CFAP77: variants seen among roughly 807,000 people sequenced by gnomAD.
CFAP77 encodes cilia and flagella associated protein 77.
CFAP77 carries 25 observed loss-of-function variants against 31.1 expected under a neutral mutation model. The observed-to-expected ratio is 0.80, with a 90% CI of 0.59 to 1.12. The LOEUF (loss-of-function observed/expected upper bound fraction) is 1.12. CFAP77 is among the 50% of genes most tolerant of loss of function. The pLI is 0.00. For missense variants in CFAP77, 377 were observed against 397.3 expected (o/e 0.95, Z 0.44); for synonymous variants, 151 against 159.9 (o/e 0.94, Z 0.42).
At chr9:132,471,067 C>T (rs1342563656) in intron 1 of CFAP77, among the ~76,000 whole-genome samples, 1 of 152,058 alleles carries the variant, frequency 6.6e-6, no homozygotes, top group African/African-American at 2.4e-5. Context: ...CTTGTGTGGG[C>T]CCCTATAAGG....
chr9:132,468,858 G>T (rs926956968), intron 1 of CFAP77, among the ~76,000 whole-genome samples: 3 of 151,936 alleles, frequency 2.0e-5, no homozygotes, highest in Non-Finnish European at 4.4e-5. Flanking sequence ...CTCAGCCTAT[G>T]TATACAAACC....
intron 3 of CFAP77, among the ~76,000 whole-genome samples, chr9:132,515,114 C>A (rs928568688): frequency 6.6e-6 from 1 of 152,160 alleles, no homozygotes; most frequent in Admixed American, 6.5e-5. Context: ...GGGGGAGGCA[C>A]CCTTGTTAAA....
intron 3 of CFAP77, among the ~76,000 whole-genome samples, chr9:132,521,691 C>G (rs1852266388): frequency 6.6e-6 from 1 of 151,108 alleles, no homozygotes; most frequent in Non-Finnish European, 1.5e-5. Flanking sequence ...GCTGGAGACC[C>G]TCGAGAATCA....
chr9:132,524,062 C>T (rs1852315122), intron 3 of CFAP77, among the ~76,000 whole-genome samples: 3 of 151,972 alleles, frequency 2.0e-5, no homozygotes, highest in South Asian at 2.1e-4. Flanking sequence ...GTCTTGAACT[C>T]CTGAGCTCAA....
In CFAP77 at chr9:132,508,273, G is replaced by A. The variant is rs546492961; in HGVS notation, c.524+8673G>A. Among the ~76,000 whole-genome samples, 12 of 152,306 alleles carry A rather than the reference G, an allele frequency of 7.9e-5. No homozygotes were observed. In the East Asian group the frequency reaches 1.9e-3, roughly 24 times the overall value. ...TGATGCTGCCTCAGAGAATGAATGT[G>A]TTCCTCAGCCATGTTAATAGAGGTA... On this transcript the variant is annotated intron_variant, in intron 3 of 5. Coordinates refer to ENST00000393216, the MANE Select transcript of CFAP77 (RefSeq NM_001282957.2).
intron 5 of CFAP77, among the ~76,000 whole-genome samples, chr9:132,546,484 C>T (rs1263049287): frequency 6.6e-6 from 1 of 152,122 alleles, no homozygotes; most frequent in African/African-American, 2.4e-5. Flanking sequence ...CAGATGTCGA[C>T]GCTGAACTCT....
At chr9:132,483,482 G>A (rs1851486021) in intron 1 of CFAP77, among the ~76,000 whole-genome samples, 2 of 152,076 alleles carry the variant, frequency 1.3e-5, no homozygotes, top group African/African-American at 2.4e-5. Flanking sequence ...CCGTGTCCTC[G>A]GTGCAGACGA....
intron 3 of CFAP77, among the ~76,000 whole-genome samples, chr9:132,513,043 G>A (rs563040628): frequency 1.3e-5 from 2 of 152,194 alleles, no homozygotes; most frequent in Non-Finnish European, 2.9e-5. Context: ...ATTTTTGTGG[G>A]CACATAGTGG....
chr9:132,478,708 C>T (rs556189168), intron 1 of CFAP77, among the ~76,000 whole-genome samples: 3 of 152,234 alleles, frequency 2.0e-5, no homozygotes, highest in African/African-American at 4.8e-5. Context: ...GGGCTGGGGC[C>T]GGAGATGCTC....
intron 3 of CFAP77, among the ~76,000 whole-genome samples, chr9:132,523,471 A>G (rs896575207): frequency 1.3e-5 from 2 of 152,208 alleles, no homozygotes; most frequent in African/African-American, 4.8e-5. Flanking sequence ...TGTTTTACAC[A>G]TGATGTGTCT....
At chr9:132,459,824 T>G (rs992536204) in intron 1 of CFAP77, among the ~76,000 whole-genome samples, 1 of 150,214 alleles carries the variant, frequency 6.7e-6, no homozygotes, top group Non-Finnish European at 1.5e-5. Flanking sequence ...TGTGTATGAG[T>G]GTGCGTATGT....
rs778546868 is a variant in CFAP77 at position 132,424,760 on chromosome 9, C to A, written c.195+14294C>A. Among the ~76,000 whole-genome samples the A allele has an allele frequency of 6.6e-6, 1 of 152,182 alleles. No individual in the cohort carries two copies. The highest frequency in any genetic ancestry group is 1.5e-5 in the Non-Finnish European group (1 of 68,012). ...ATGTTGGATTTCAGGTTATTCCAAA[C>A]GTGCGCATCTGCCGGCCAGGGAGCC... On this transcript the variant is annotated intron_variant, in intron 1 of 5. Coordinates refer to ENST00000393216, the MANE Select transcript of CFAP77 (RefSeq NM_001282957.2). The surrounding 1 kb of genome is among the most constrained non-coding windows in gnomAD (Gnocchi z 4.1).
intron 3 of CFAP77, among the ~76,000 whole-genome samples, chr9:132,534,665 G>A (rs11243822): frequency 0.35 from 52,785 of 150,418 alleles, 9,229 homozygotes; most frequent in Non-Finnish European, 0.38. Flanking sequence ...GATTACCCCA[G>A]GATGCAGTTT....
intron 3 of CFAP77, among the ~76,000 whole-genome samples, chr9:132,514,052 C>CTCCCCCGT (rs1852097639): frequency 4.9e-5 from 7 of 144,090 alleles, no homozygotes; most frequent in African/African-American, 1.3e-4. Flanking sequence ...GAGATCCCCC[C>CTCCCCCGT]GTCTTGTGTC....
At chr9:132,441,208 G>T (rs1313118676) in intron 1 of CFAP77, among the ~76,000 whole-genome samples, 1 of 152,126 alleles carries the variant, frequency 6.6e-6, no homozygotes, top group East Asian at 1.9e-4. Context: ...GGAGTAGGGG[G>T]AAAAGGAGAC....
At chr9:132,492,449 C>T (rs900489653) in intron 1 of CFAP77, among the ~76,000 whole-genome samples, 7 of 152,226 alleles carry the variant, frequency 4.6e-5, no homozygotes, top group African/African-American at 1.7e-4. Flanking sequence ...AGCCAAACCC[C>T]ACCTGCAGAG....
At chr9:132,536,087 T>C (rs1398933019) in intron 3 of CFAP77, among the ~76,000 whole-genome samples, 2 of 152,186 alleles carry the variant, frequency 1.3e-5, no homozygotes, top group Non-Finnish European at 2.9e-5. Flanking sequence ...TCATAAATTC[T>C]AGATATCTAT....
chr9:132,559,571 C>T (rs1852962717), intron 5 of CFAP77, among the ~76,000 whole-genome samples: 2 of 152,066 alleles, frequency 1.3e-5, no homozygotes, highest in South Asian at 2.1e-4. Context: ...AACACCCATA[C>T]GTGCTGGTGG....
chr9:132,476,277 A>G (rs535325346), intron 1 of CFAP77, among the ~76,000 whole-genome samples: 2 of 151,876 alleles, frequency 1.3e-5, no homozygotes, highest in Admixed American at 6.6e-5. Context: ...GTCTAACTCA[A>G]CCCTTACTCA....
Sources: allele counts gnomAD v4.1 joint callset (sites outside exome capture counted in the v4.1 genomes callset), GRCh38; gene constraint gnomAD v4.1.1; non-coding constraint Gnocchi (gnomAD v3.1); transcripts MANE v1.5; gene names NCBI Gene and HGNC (gene_info 2026-07-23, HGNC 2026-07-21).